ABCA12: variants seen among roughly 807,000 people sequenced by gnomAD.
ABCA12 encodes the protein glucosylceramide transporter ABCA12.
ABCA12 carries 156 observed loss-of-function variants against 293.5 expected under a neutral mutation model. The observed-to-expected ratio is 0.53, with a 90% confidence interval of 0.47 to 0.61. ABCA12 has a LOEUF of 0.61. Among genes scored for constraint, ABCA12 ranks in the 20% least tolerant of loss-of-function variants. The pLI, the probability that ABCA12 is intolerant of heterozygous loss-of-function variation, is 0.00. For missense variants in ABCA12, 2,797 were observed against 3,090.2 expected (o/e 0.91, Z 2.25); for synonymous variants, 1,063 against 1,108.0 (o/e 0.96, Z 0.81).
chr2:215,043,483 GT>G (rs1701142311), intron 7 of ABCA12, among the ~76,000 whole-genome samples: 2 of 152,070 alleles, frequency 1.3e-5, no homozygotes, highest in Non-Finnish European at 2.9e-5. Flanking sequence ...ACAGCACAAT[GT>G]TTTTGCCAGT....
Position 215,019,467 on chromosome 2 carries a change from G to A in ABCA12, c.1545-19C>T. 1 of 1,613,458 alleles carries A rather than the reference G, an allele frequency of 6.2e-7. No homozygotes were observed. The highest frequency in any genetic ancestry group is 8.5e-7 in the Non-Finnish European group (1 of 1,179,426). ...TAGAAACCTGGAACAAAACAGAAAA[G>A]AAGAAATTCAACTAAGTATTTCAAT... On this transcript the variant is annotated intron_variant, in intron 12 of 52. Transcript: ENST00000272895.
intron 36 of ABCA12, among the ~76,000 whole-genome samples, chr2:214,973,622 A>G (rs1170656132): frequency 6.6e-6 from 1 of 152,138 alleles, no homozygotes; most frequent in Non-Finnish European, 1.5e-5. Context: ...TATTTCAAAT[A>G]TGACAGTTAT....
chr2:215,134,599 CTATATATATATA>C (rs1161603641), intron 1 of ABCA12, among the ~76,000 whole-genome samples: 1 of 85,252 alleles, frequency 1.2e-5, no homozygotes, highest in Non-Finnish European at 2.1e-5. Flanking sequence ...CTCTCTCTCT[CTATATATATATA>C]TATATAGAGA....
At chr2:215,134,616 TAGAG>T (rs1212910485) in intron 1 of ABCA12, among the ~76,000 whole-genome samples, 2,504 of 80,580 alleles carry the variant, frequency 0.031, 208 homozygotes, top group African/African-American at 0.072. Flanking sequence ...TATATATATA[TAGAG>T]AGAGAGAGAG....
rs1350331101 is a variant in ABCA12 at position 215,015,629 on chromosome 2, T to A, written c.1817A>T (p.Asp606Val). The A allele has an allele frequency of 6.2e-7, 1 of 1,614,094 alleles. No individual in the cohort carries two copies. The highest frequency in any genetic ancestry group is 2.2e-5 in the East Asian group (1 of 44,856). The change falls in exon 15 of 53, where the codon GAT (aspartate) becomes GTT (valine). Residue 606 changes from aspartate (D) to valine (V), a missense_variant. Around this residue, in one of 3 missense-constraint regions of ABCA12, gnomAD observed 2,130 missense variants for 2,427.0 expected, o/e 0.88. Coordinates refer to ENST00000272895, the MANE Select transcript of ABCA12 (RefSeq NM_173076.3). Reference sequence around the variant, plus strand: ...TAGTTTGGGAGTGGTGATATTAGTATCACAGGAATGCAGCCAGAACACCTG... The same window carrying A: ...TAGTTTGGGAGTGGTGATATTAGTAACACAGGAATGCAGCCAGAACACCTG... ...ISQVFWLHSC[D>V]TNITTPKLED...
intron 2 of ABCA12, among the ~76,000 whole-genome samples, chr2:215,087,922 G>C (rs1389888446): frequency 6.6e-6 from 1 of 152,216 alleles, no homozygotes; most frequent in Non-Finnish European, 1.5e-5. Context: ...CAAGACAGCT[G>C]TCTGCATTTT....
chr2:215,040,893 G>C (rs1164993812), intron 7 of ABCA12, among the ~76,000 whole-genome samples: 1 of 152,182 alleles, frequency 6.6e-6, no homozygotes, highest in African/African-American at 2.4e-5. Context: ...AAAAGGGGGG[G>C]TGTGAATATA....
intron 2 of ABCA12, among the ~76,000 whole-genome samples, chr2:215,104,767 C>CA (rs781282514): frequency 7.2e-4 from 110 of 152,134 alleles, no homozygotes; most frequent in Non-Finnish European, 1.0e-3. Context: ...TGCTCCTACA[C>CA]AAAAAATCTC....
At chr2:214,955,506 AC>A (rs1474968322) in intron 42 of ABCA12, 145 bp from the exon 43 acceptor site, 3 of 730,178 alleles carry the variant, frequency 4.1e-6, no homozygotes, top group Non-Finnish European at 6.9e-6. Flanking sequence ...ACTTGGCAAA[AC>A]CCTGTCTCTA....
At chr2:215,116,023 C>T (rs564974991) in intron 1 of ABCA12, among the ~76,000 whole-genome samples, 11 of 152,280 alleles carry the variant, frequency 7.2e-5, no homozygotes, top group Non-Finnish European at 1.3e-4. Context: ...AGTCAGGCTT[C>T]TCACTGTCCT....
At chr2:215,136,402 T>C (rs1377464498) in intron 1 of ABCA12, among the ~76,000 whole-genome samples, 1 of 152,162 alleles carries the variant, frequency 6.6e-6, no homozygotes, top group Non-Finnish European at 1.5e-5. Context: ...GTCATTAAAA[T>C]TTCTAAAGAT....
intron 39 of ABCA12, among the ~76,000 whole-genome samples, chr2:214,965,267 TA>T (rs1251028025): frequency 6.6e-6 from 1 of 152,056 alleles, no homozygotes; most frequent in Non-Finnish European, 1.5e-5. Flanking sequence ...CCCAAAACTA[TA>T]AAAACCCTAG....
intron 38 of ABCA12, among the ~76,000 whole-genome samples, chr2:214,967,355 A>G (rs1471365662): frequency 6.6e-6 from 1 of 152,202 alleles, no homozygotes; most frequent in Non-Finnish European, 1.5e-5. Context: ...GGAGAAATAA[A>G]TAAAATACAT....
chr2:214,948,843 T>G (rs1698662458), intron 46 of ABCA12, 106 bp from the exon 47 acceptor site: 1 of 1,425,332 alleles, frequency 7.0e-7, no homozygotes, highest in Non-Finnish European at 9.8e-7. Flanking sequence ...GGTCAGTGAC[T>G]TTGATAAAAA....
intron 3 of ABCA12, among the ~76,000 whole-genome samples, chr2:215,060,212 T>A (rs1701501672): frequency 6.6e-6 from 1 of 152,040 alleles, no homozygotes; most frequent in Non-Finnish European, 1.5e-5. Flanking sequence ...CGTGTTATCT[T>A]GTCTCTCCGT....
At chr2:214,937,401 G>C in intron 51 of ABCA12, 109 bp downstream of exon 51, 1 of 786,348 alleles carries the variant, frequency 1.3e-6, no homozygotes, top group South Asian at 1.4e-5. Context: ...GTTTCACCAT[G>C]TTGGCCAGGC....
chr2:215,075,820 T>C, intron 2 of ABCA12: 1 of 454,614 alleles, frequency 2.2e-6, no homozygotes, highest in Non-Finnish European at 3.9e-6. Flanking sequence ...GTGAATTTTG[T>C]GTGCTATGGT....
At chr2:214,975,464 A>T (rs1385967367) in intron 34 of ABCA12, among the ~76,000 whole-genome samples, 2 of 152,196 alleles carry the variant, frequency 1.3e-5, no homozygotes, top group African/African-American at 4.8e-5. Flanking sequence ...TATTTGTGAG[A>T]CCAATAAAAA....
At chr2:215,120,610 A>C (rs1024204643) in intron 1 of ABCA12, among the ~76,000 whole-genome samples, 2 of 152,144 alleles carry the variant, frequency 1.3e-5, no homozygotes, top group Non-Finnish European at 2.9e-5. Context: ...GGGGAAGAGA[A>C]GGGGATAGTC....
Sources: gnomAD v4.1 joint callset for allele counts (sites outside exome capture counted in the v4.1 genomes callset) on GRCh38, gnomAD v4.1.1 for gene constraint, gnomAD v4.1.1 regional missense constraint, MANE v1.5 for transcripts, NCBI Gene and HGNC (gene_info 2026-07-23, HGNC 2026-07-21) for gene names.